AKNAD1: variants seen among roughly 807,000 people sequenced by gnomAD.
AKNAD1 encodes the protein AKNA domain containing 1.
Under a neutral mutation model 90.8 loss-of-function variants are expected in AKNAD1, and 67 were observed. The observed-to-expected ratio is 0.74, with a 90% CI of 0.61 to 0.90. The LOEUF is 0.90. AKNAD1 is among the 40% of genes least tolerant of loss of function. The pLI is 0.00. For synonymous variants in AKNAD1, 327 were observed against 341.4 expected (o/e 0.96, Z 0.46); for missense variants, 957 against 975.4 (o/e 0.98, Z 0.25).
rs775173709 is a variant in AKNAD1 at position 108,851,876 on chromosome 1, CT to C, written c.788del (p.Lys263ArgfsTer6). The C allele has an allele frequency of 6.2e-7, 1 of 1,613,972 alleles. No homozygotes were observed. Among genetic ancestry groups the C allele is most frequent in the Non-Finnish European group, 8.5e-7 (1 of 1,179,962 alleles). On this transcript the variant is annotated frameshift_variant, in exon 2 of 16. Coordinates refer to ENST00000370001, the MANE Select transcript of AKNAD1 (RefSeq NM_152763.5). LOFTEE classifies it high-confidence loss of function. The part of the protein sequence containing the change: ...QVHYQLPDFS[K>X]IAPKVKIPKN... The stretch of plus-strand genomic sequence containing the variant: ...TAGGAATTTTCACTTTGGGAGCAAT[CT>C]TAGAGAAATCAGGGAGCTGGTAATG...
At chr1:108,845,054 G>A (rs34869957) in intron 5 of AKNAD1, among the ~76,000 whole-genome samples, 16,494 of 152,060 alleles carry the variant, frequency 0.11, 960 homozygotes, top group South Asian at 0.12. Context: ...CCTGACCTCA[G>A]GTGGTCCACC....
At chr1:108,817,284 G>A in intron 14 of AKNAD1, 107 bp from the exon 15 acceptor site, 1 of 1,443,162 alleles carries the variant, frequency 6.9e-7, no homozygotes, top group Non-Finnish European at 9.3e-7. Flanking sequence ...TTTGGGTGTG[G>A]GTGGATTCGT....
intron 10 of AKNAD1, 143 bp downstream of exon 10, chr1:108,830,416 C>T: frequency 1.4e-6 from 1 of 716,590 alleles, no homozygotes; most frequent in Non-Finnish European, 2.4e-6. Context: ...GCGAGGGAGG[C>T]TGGGCTCTGT....
chr1:108,843,446 G>A (rs1285783311), intron 5 of AKNAD1, among the ~76,000 whole-genome samples, 179 bp from the exon 6 acceptor site: 1 of 152,128 alleles, frequency 6.6e-6, no homozygotes, highest in Non-Finnish European at 1.5e-5. Flanking sequence ...CAACCCAAGG[G>A]TCATCTCAAC....
Position 108,852,105 on chromosome 1 carries a change from G to A in AKNAD1, c.560C>T (p.Ala187Val), listed in dbSNP as rs1039849974. 1.9e-6 allele frequency: 3 copies of A among 1,614,140 alleles called. No homozygotes were observed. The highest frequency in any genetic ancestry group is 2.5e-6 in the Non-Finnish European group (3 of 1,180,006). Reference sequence around the variant, plus strand: ...AGAGGTATTTTCCTCTGTCGTGGTGGCAGAACCAGGCTTATTGCTGTTTTC... The same window carrying A: ...AGAGGTATTTTCCTCTGTCGTGGTGACAGAACCAGGCTTATTGCTGTTTTC... ...DGENSNKPGS[A>V]TTTEENTSDL... is the part of the protein sequence containing the mutation. Residue 187 changes from alanine to valine, a missense_variant, in exon 2 of 16, where the codon GCC becomes GTC. Physicochemically the swap from Ala to Val is moderately conservative, Grantham distance 64. Transcript: ENST00000370001.
In AKNAD1 at chr1:108,824,588, AAT is replaced by A. The variant is rs575256830; in HGVS notation, c.1937-902_1937-901del. On this transcript the variant is annotated intron_variant, in intron 11 of 15. Coordinates refer to ENST00000370001, the MANE Select transcript of AKNAD1 (RefSeq NM_152763.5). ...CTACTTATTAGCTATGATGGTTGAA[AAT>A]ATGTTTACAAATTCTTTAACGTGCT... 1.8e-4 allele frequency among the ~76,000 whole-genome samples: 27 copies of A among 151,848 alleles called. 1 individual carries two copies. In the East Asian group the frequency reaches 4.6e-3, roughly 26 times the overall value.
chr1:108,837,302 G>C (rs995161901), intron 7 of AKNAD1: 4 of 382,554 alleles, frequency 1.0e-5, no homozygotes, highest in African/African-American at 6.2e-5. Context: ...CTCTTCGGTG[G>C]TTTAATGGAT....
In AKNAD1 at chr1:108,828,516, T is replaced by C. The variant is rs1490450215; in HGVS notation, c.1839-1214A>G. Among the ~76,000 whole-genome samples, 5 of 151,904 alleles carry C rather than the reference T, an allele frequency of 3.3e-5. 1 individual carries two copies. In the East Asian group the frequency reaches 9.9e-4, roughly 30 times the overall value. On this transcript the variant is annotated intron_variant, in intron 10 of 15. Coordinates refer to ENST00000370001, the MANE Select transcript of AKNAD1 (RefSeq NM_152763.5). ...TATGGAAGGCACTGTGCCCGAGATA[T>C]CCTGGCATAAATGAGGCAGATTGCC...
chr1:108,840,548 G>A (rs1287889558), intron 6 of AKNAD1, among the ~76,000 whole-genome samples: 3 of 152,114 alleles, frequency 2.0e-5, no homozygotes, highest in African/African-American at 7.2e-5. Context: ...AGTAACATGA[G>A]TGTATAAGAA....
Position 108,816,024 on chromosome 1 carries a change from A to G in AKNAD1, c.*147T>C, listed in dbSNP as rs536057646. On this transcript the variant is annotated 3_prime_UTR_variant, in exon 16 of 16. Coordinates refer to ENST00000370001, the MANE Select transcript of AKNAD1 (RefSeq NM_152763.5). ...TTTCTTTTTTCTTTTTCCTTTAAGT[A>G]CTTTGTGTTACCCATTTCTTATGGT... is the stretch of plus-strand genomic sequence containing the variant. The G allele has an allele frequency of 9.5e-5, 68 of 717,378 alleles. No individual in the cohort carries two copies. In the South Asian group the frequency reaches 2.8e-3, roughly 29 times the overall value. 44.4% of individuals were successfully genotyped at this position (717,378 alleles called of 1,614,324 possible). A position where few individuals can be genotyped will look rare whatever the true frequency, so the allele number is the denominator to read the frequency against.
rs1557839287 is a variant in AKNAD1 at position 108,852,481 on chromosome 1, CACT to C, written c.181_183del (p.Ser61del). ...GTCACAGCTGTATTTCCACAAGTCT[CACT>C]ATGCATAGCCTTCTCTTGAGGGTCA... On this transcript the variant is annotated inframe_deletion, in exon 2 of 16. Transcript: ENST00000370001. The C allele has an allele frequency of 6.2e-7, 1 of 1,613,926 alleles. No individual in the cohort carries two copies. The highest frequency in any genetic ancestry group is 1.7e-5 in the Admixed American group (1 of 59,960).
Position 108,837,812 on chromosome 1 carries a change from C to T in AKNAD1, c.1380-106G>A, listed in dbSNP as rs1664431435. 3.0e-5 allele frequency: 37 copies of T among 1,251,984 alleles called. No homozygotes were observed. In the South Asian group the frequency reaches 3.1e-4, roughly 10 times the overall value. The allele number at this position is 1,251,984 out of a possible 1,614,324, so 77.6% of individuals were successfully genotyped here. A position where few individuals can be genotyped will look rare whatever the true frequency, so the allele number is the denominator to read the frequency against. On this transcript the variant is annotated intron_variant, in intron 6 of 15. Coordinates refer to ENST00000370001, the MANE Select transcript of AKNAD1 (RefSeq NM_152763.5). Reference sequence around the variant, plus strand: ...CATTGATTTATATTATTAATGTGGCCTGTCTTCTGTCACAAAGGATAATGG... The same window carrying T: ...CATTGATTTATATTATTAATGTGGCTTGTCTTCTGTCACAAAGGATAATGG...
chr1:108,851,743 C>T lies in AKNAD1; in HGVS notation c.922G>A (p.Glu308Lys). Residue 308 changes from glutamate to lysine, a missense_variant, in exon 2 of 16, where the codon GAG becomes AAG. Coordinates refer to ENST00000370001, the MANE Select transcript of AKNAD1 (RefSeq NM_152763.5). ...TGTTGTTTTTCAACACAGTTTGACT[C>T]AGGCGTGGTTTCTAGACTATCTTGC... ...LVQDSLETTP[E>K]SNCVEKQHQE... 1 of 1,610,254 alleles carries T rather than the reference C, an allele frequency of 6.2e-7. No homozygotes were observed. Among genetic ancestry groups the T allele is most frequent in the Non-Finnish European group, 8.5e-7 (1 of 1,179,030 alleles).
chr1:108,828,450 G>A (rs1423594182), intron 10 of AKNAD1, among the ~76,000 whole-genome samples: 1 of 151,700 alleles, frequency 6.6e-6, no homozygotes, highest in Non-Finnish European at 1.5e-5. Flanking sequence ...TAAGCTCCTG[G>A]GATACAGTCA....
rs753207825 is a variant in AKNAD1 at position 108,830,616 on chromosome 1, C to G, written c.1781G>C (p.Cys594Ser). ...CGGACTGGGTGCCGTCATCTCTGCA[C>G]AATCCTGCCTTCTTGGAGTGCCGTT... Reference protein sequence around the residue: ...DPNGTPRRQDCAEMTAPSPSC... With the variant: ...DPNGTPRRQDSAEMTAPSPSC... Residue 594 changes from cysteine to serine, a missense_variant, in exon 10 of 16, where the codon TGT becomes TCT. Cys to Ser is a moderately radical substitution (Grantham distance 112). Transcript: ENST00000370001. The G allele has an allele frequency of 6.2e-7, 1 of 1,614,160 alleles. No individual in the cohort carries two copies.
intron 11 of AKNAD1, 100 bp downstream of exon 11, chr1:108,827,105 G>C (rs181115306): frequency 2.5e-6 from 2 of 792,134 alleles, no homozygotes; most frequent in East Asian, 5.2e-5. Context: ...GTAGGGAAAT[G>C]CTCTTGGAGT....
chr1:108,828,380 A>G (rs979224941), intron 10 of AKNAD1, among the ~76,000 whole-genome samples: 1 of 151,792 alleles, frequency 6.6e-6, no homozygotes, highest in Non-Finnish European at 1.5e-5. Flanking sequence ...CCTCCTCCTC[A>G]GAAATCCCAA....
chr1:108,850,775 C>T (rs1361419412), intron 2 of AKNAD1, among the ~76,000 whole-genome samples: 3 of 152,106 alleles, frequency 2.0e-5, no homozygotes. Context: ...GCACTCTAGG[C>T]AAAGTGCCCA....
At chr1:108,819,417 A>G (rs1359035737) in intron 14 of AKNAD1, among the ~76,000 whole-genome samples, 1 of 151,578 alleles carries the variant, frequency 6.6e-6, no homozygotes, top group Non-Finnish European at 1.5e-5. Context: ...TAGGAGTTCA[A>G]GATCAGCCTG....
Sources: allele counts gnomAD v4.1 joint callset (sites outside exome capture counted in the v4.1 genomes callset), GRCh38; gene constraint gnomAD v4.1.1; transcripts MANE v1.5; gene names NCBI Gene and HGNC (gene_info 2026-07-23, HGNC 2026-07-21).